DDX42: variants seen among roughly 807,000 people sequenced by gnomAD.
DDX42 encodes ATP-dependent RNA helicase DDX42.
In DDX42, 22 loss-of-function variants were observed where a neutral mutation model predicts 101.5. The observed-to-expected ratio is 0.22, with a 90% CI of 0.15 to 0.31. DDX42 has a LOEUF of 0.31. DDX42 is among the 10% of genes least tolerant of loss of function. The probability of loss-of-function intolerance (pLI) is 1.00; values close to 1 mark genes in which losing one functional copy is unlikely to be tolerated. For synonymous variants in DDX42, 402 were observed against 401.2 expected (o/e 1.00, Z -0.02); for missense variants, 849 against 1,199.9 (o/e 0.71, Z 4.32).
intron 14 of DDX42, among the ~76,000 whole-genome samples, chr17:63,812,605 T>C (rs1352083513): frequency 6.6e-6 from 1 of 152,208 alleles, no homozygotes; most frequent in African/African-American, 2.4e-5. Context: ...CTGTCAAGTT[T>C]TAATAACTAC....
At chr17:63,797,624 TA>T (rs1425814125) in intron 3 of DDX42, among the ~76,000 whole-genome samples, 2 of 152,234 alleles carry the variant, frequency 1.3e-5, no homozygotes, top group Non-Finnish European at 2.9e-5. Context: ...AGATGTTGCC[TA>T]GGGGCAAAAT....
intron 13 of DDX42, 93 bp downstream of exon 13, chr17:63,811,266 A>G: frequency 2.0e-6 from 2 of 1,004,820 alleles, no homozygotes; most frequent in Non-Finnish European, 2.9e-6. Flanking sequence ...GATAAAAAAA[A>G]AAGATGTTAT....
In DDX42 at chr17:63,805,096, A is replaced by C. The variant is rs1356639037; in HGVS notation, c.647A>C (p.Asn216Thr). 1 of 1,610,942 alleles carries C rather than the reference A, an allele frequency of 6.2e-7. No individual in the cohort carries two copies. The highest frequency in any genetic ancestry group is 1.7e-5 in the Admixed American group (1 of 59,128). Residue 216 changes from asparagine to threonine, a missense_variant, in exon 7 of 18, where the codon AAC (asparagine) becomes ACC (threonine). Physicochemically the swap from Asn to Thr is moderately conservative, Grantham distance 65. Around this residue, in one of 5 missense-constraint regions of DDX42, gnomAD observed 370 missense variants for 608.8 expected, o/e 0.61. Transcript: ENST00000389924. Reference sequence around the variant, plus strand: ...ATTGACTATCCACCATTTGAAAAAAACTTTTACAATGAGCATGAAGAGATA... The same window carrying C: ...ATTGACTATCCACCATTTGAAAAAACCTTTTACAATGAGCATGAAGAGATA... ...SEIDYPPFEK[N>T]FYNEHEEITN...
intron 2 of DDX42, among the ~76,000 whole-genome samples, chr17:63,789,556 TTTG>T (rs1567733003): frequency 3.3e-4 from 9 of 27,070 alleles, no homozygotes; most frequent in African/African-American, 9.6e-4. Context: ...CTTTTTTGTT[TTTG>T]TTTTTGTTTT....
chr17:63,816,447 A>G (rs1334964459), intron 16 of DDX42: 2 of 156,612 alleles, frequency 1.3e-5, no homozygotes, highest in Admixed American at 6.5e-5. Context: ...TACAGATAAC[A>G]ATGCTGAGGC....
chr17:63,810,332 C>A (rs952713457), intron 11 of DDX42, 181 bp from the exon 12 acceptor site: 1 of 431,160 alleles, frequency 2.3e-6, no homozygotes, highest in Non-Finnish European at 4.1e-6. Context: ...CTCAAGTGAT[C>A]CGCCTGCTTC....
chr17:63,813,313 C>T lies in DDX42; in HGVS notation c.1761C>T (p.Gly587=), dbSNP rs1332296001. 1 of 1,614,170 alleles carries T rather than the reference C, an allele frequency of 6.2e-7. No homozygotes were observed. The highest frequency in any genetic ancestry group is 1.7e-5 in the Admixed American group (1 of 60,014). ...TTGATACCCACACGCATAGGATTGG[C>T]CGCACAGGAAGAGCGGGTGAGAAAG... ...RDIDTHTHRI[G]RTGRAGEKGV... The change falls in exon 15 of 18, where the codon GGC becomes GGT. Residue 587 remains glycine, a synonymous_variant. Coordinates refer to ENST00000389924, the MANE Select transcript of DDX42 (RefSeq NM_203499.3).
At chr17:63,789,564 TG>T (rs1567733071) in intron 2 of DDX42, among the ~76,000 whole-genome samples, 3,092 of 63,798 alleles carry the variant, frequency 0.048, 327 homozygotes, top group African/African-American at 0.22. Context: ...TTTTTGTTTT[TG>T]TTTTTGTTTT....
At chr17:63,775,505 T>C (rs1568256483) in intron 1 of DDX42, among the ~76,000 whole-genome samples, 1 of 152,084 alleles carries the variant, frequency 6.6e-6, no homozygotes, top group Non-Finnish European at 1.5e-5. Flanking sequence ...GGTGTTGGAA[T>C]TTGCAATAAA....
chr17:63,807,288 A>G (rs899310616), intron 8 of DDX42, among the ~76,000 whole-genome samples: 4 of 151,994 alleles, frequency 2.6e-5, no homozygotes, highest in Non-Finnish European at 5.9e-5. Context: ...TTACAGGCGC[A>G]CGCCAGCACA....
intron 1 of DDX42, among the ~76,000 whole-genome samples, chr17:63,779,269 G>A (rs138094741): frequency 1.3e-5 from 2 of 151,850 alleles, no homozygotes; most frequent in African/African-American, 4.8e-5. Flanking sequence ...GTTTGTTTTG[G>A]TTTTGTTTTT....
At chr17:63,803,839 G>A (rs2039804684) in intron 6 of DDX42, among the ~76,000 whole-genome samples, 2 of 151,432 alleles carry the variant, frequency 1.3e-5, no homozygotes, top group South Asian at 2.1e-4. Context: ...TGGTAGAGAC[G>A]GGCTTTCACC....
chr17:63,813,844 C>T (rs1045546488), intron 15 of DDX42, among the ~76,000 whole-genome samples: 1 of 151,686 alleles, frequency 6.6e-6, no homozygotes, highest in African/African-American at 2.4e-5. Flanking sequence ...AGTGCCCCCC[C>T]ACCTTTTTTT....
At chr17:63,800,133 C>T in intron 5 of DDX42, 1 of 235,416 alleles carries the variant, frequency 4.2e-6, no homozygotes, top group Non-Finnish European at 8.2e-6. Flanking sequence ...GCGTTAACTT[C>T]CAAACTTGGA....
chr17:63,801,539 T>G (rs1028110675), intron 6 of DDX42, among the ~76,000 whole-genome samples: 1 of 151,914 alleles, frequency 6.6e-6, no homozygotes. Flanking sequence ...TTTTTGTTTA[T>G]TTTTTTTCCA....
chr17:63,791,689 A>C (rs2039629672), intron 2 of DDX42, among the ~76,000 whole-genome samples: 1 of 152,182 alleles, frequency 6.6e-6, no homozygotes, highest in Admixed American at 6.5e-5. Flanking sequence ...TTTTGGTCTT[A>C]AAAGAATATC....
rs113597187 is a variant in DDX42, at chr17:63,779,723, A to G, written c.-17+5347A>G. Among the ~76,000 whole-genome samples the G allele has an allele frequency of 7.1e-3, 1,075 of 151,538 alleles. 11 individuals carry two copies. The highest frequency in any genetic ancestry group is 0.024 in the African/African-American group (975 of 41,276). ...CTTCTACTCTGTGTCTCTGAGTTTG[A>G]CTATTCTAGGTATCTCTTTTTTTTT... On this transcript the variant is annotated intron_variant, in intron 1 of 17. Coordinates refer to ENST00000389924, the MANE Select transcript of DDX42 (RefSeq NM_203499.3).
chr17:63,794,922 T>C (rs1450850377), intron 3 of DDX42, among the ~76,000 whole-genome samples: 1 of 140,564 alleles, frequency 7.1e-6, no homozygotes, highest in Non-Finnish European at 1.5e-5. Context: ...GGCAATAGAG[T>C]GAGACTCCAT....
At chr17:63,804,755 G>A (rs541552168) in intron 6 of DDX42, among the ~76,000 whole-genome samples, 6 of 152,218 alleles carry the variant, frequency 3.9e-5, no homozygotes, top group South Asian at 4.1e-4. Context: ...CTGAGGTGGC[G>A]TGAGAATTGT....
Sources: allele counts gnomAD v4.1 joint callset (sites outside exome capture counted in the v4.1 genomes callset), GRCh38; gene constraint gnomAD v4.1.1; regional missense constraint gnomAD v4.1.1; transcripts MANE v1.5; gene names NCBI Gene and HGNC (gene_info 2026-07-23, HGNC 2026-07-21).